Variants in RIN2 observed in about 807,000 individuals in gnomAD.
RIN2 encodes the protein Ras and Rab interactor 2.
RIN2 carries 36 observed loss-of-function variants against 78.0 expected under a neutral mutation model. The ratio of observed to expected loss-of-function variants is 0.46; its 90% CI spans 0.35 to 0.61. The LOEUF (loss-of-function observed/expected upper bound fraction) is 0.61. RIN2 is among the 20% of genes least tolerant of loss of function. The pLI is 0.00. For synonymous variants in RIN2, 466 were observed against 466.8 expected, an observed-to-expected ratio of 1.00 and a Z score of 0.02; for missense variants, 1,087 against 1,159.7, an observed-to-expected ratio of 0.94 and a Z score of 0.91.
At chr20:19,890,355 T>A (rs577691538) in intron 3 of RIN2, among the ~76,000 whole-genome samples, 1 of 152,304 alleles carries the variant, frequency 6.6e-6, no homozygotes, top group African/African-American at 2.4e-5. Context: ...AATTCCCCTC[T>A]TGTGGCTTTT....
Position 19,956,732 on chromosome 20 carries a change from C to T in RIN2, c.276C>T (p.His92=), listed in dbSNP as rs202212179. Reference sequence around the variant, plus strand: ...TCAGCATCTTGGACCGGCTCCTCCACACCCACCCCATATGGCTGCAGCTGA... The same window carrying T: ...TCAGCATCTTGGACCGGCTCCTCCATACCCACCCCATATGGCTGCAGCTGA... The part of the protein sequence containing the change: ...NRLSILDRLL[H]THPIWLQLSL... Residue 92 remains histidine, a synonymous_variant, in exon 5 of 13, where the codon CAC becomes CAT. Coordinates refer to ENST00000255006, the MANE Select transcript of RIN2 (RefSeq NM_018993.4). 4 of 1,609,944 alleles carry T rather than the reference C, an allele frequency of 2.5e-6. No homozygotes were observed. The highest frequency in any genetic ancestry group is 1.7e-5 in the Admixed American group (1 of 59,520).
chr20:19,791,878 AAAGT>A (rs2034898327), intron 1 of RIN2, among the ~76,000 whole-genome samples: 1 of 152,198 alleles, frequency 6.6e-6, no homozygotes, highest in African/African-American at 2.4e-5. Flanking sequence ...GGTAAGGAAT[AAAGT>A]CATCTAAACT....
intron 2 of RIN2, among the ~76,000 whole-genome samples, chr20:19,839,818 A>G (rs1264620708): frequency 6.6e-6 from 1 of 152,204 alleles, no homozygotes; most frequent in Non-Finnish European, 1.5e-5. Context: ...CCAATGGGAC[A>G]TTTGAAATGT....
At chr20:19,815,760 G>A (rs998691939) in intron 2 of RIN2, among the ~76,000 whole-genome samples, 1 of 152,186 alleles carries the variant, frequency 6.6e-6, no homozygotes, top group African/African-American at 2.4e-5. Context: ...ACAGAGTCCT[G>A]TGGGAAACTG....
intron 9 of RIN2, among the ~76,000 whole-genome samples, chr20:19,982,701 T>G (rs2042497325): frequency 6.6e-6 from 1 of 152,214 alleles, no homozygotes; most frequent in Non-Finnish European, 1.5e-5. Context: ...CTTACCAGTC[T>G]GACGTCCAGC....
chr20:19,811,748 T>C (rs1295175256), intron 2 of RIN2, among the ~76,000 whole-genome samples: 2 of 151,006 alleles, frequency 1.3e-5, no homozygotes, highest in Non-Finnish European at 2.9e-5. Context: ...CACTAAAAAA[T>C]GAGGGCCATC....
In RIN2 at chr20:19,957,111, G is replaced by A. The variant is rs73283479; in HGVS notation, c.351+304G>A. Among the ~76,000 whole-genome samples, 1,002 of 152,268 alleles carry A rather than the reference G, an allele frequency of 6.6e-3. 13 individuals are homozygous for A. The highest frequency in any genetic ancestry group is 0.023 in the African/African-American group (957 of 41,554). Reference sequence around the variant, plus strand: ...AGCCTGGGTCTGACCTCTTGAGCCTGGACACTGAGGATGAGCCTGGGTCTG... The same window carrying A: ...AGCCTGGGTCTGACCTCTTGAGCCTAGACACTGAGGATGAGCCTGGGTCTG... On this transcript the variant is annotated intron_variant, in intron 5 of 12. Transcript: ENST00000255006.
chr20:19,777,442 C>T (rs2034349173), intron 1 of RIN2, among the ~76,000 whole-genome samples: 1 of 152,250 alleles, frequency 6.6e-6, no homozygotes, highest in African/African-American at 2.4e-5. Context: ...ATTTCCCCTC[C>T]ATGCCAGGAG....
intron 5 of RIN2, among the ~76,000 whole-genome samples, chr20:19,957,726 G>A (rs1044212729): frequency 2.6e-5 from 4 of 152,110 alleles, no homozygotes; most frequent in African/African-American, 4.8e-5. Context: ...CAATATGGTA[G>A]CTTCTTGCCC....
At chr20:19,889,705 T>G in intron 3 of RIN2, 47 bp downstream of exon 3, 1 of 1,383,882 alleles carries the variant, frequency 7.2e-7, no homozygotes, top group South Asian at 1.5e-5. Context: ...GCTTGCTGCC[T>G]GAGCCTGGGA....
intron 3 of RIN2, among the ~76,000 whole-genome samples, chr20:19,926,275 G>A (rs889530878): frequency 6.6e-6 from 1 of 152,188 alleles, no homozygotes; most frequent in Admixed American, 6.5e-5. Flanking sequence ...TGTGACATTT[G>A]TAATTACAAT....
At chr20:19,986,066 G>A (rs1281212134) in intron 9 of RIN2, among the ~76,000 whole-genome samples, 4 of 152,150 alleles carry the variant, frequency 2.6e-5, no homozygotes, top group South Asian at 4.1e-4. Flanking sequence ...AGGAATTAAC[G>A]ATTAATGCAA....
intron 10 of RIN2, 110 bp downstream of exon 10, chr20:19,990,421 G>A: frequency 9.6e-7 from 1 of 1,041,384 alleles, no homozygotes. Context: ...TTGGTCTCTT[G>A]ATTTCACCAA....
Position 19,956,736 on chromosome 20 carries a change from C to T in RIN2, c.280C>T (p.His94Tyr), listed in dbSNP as rs777052562. 1.2e-6 allele frequency: 2 copies of T among 1,610,038 alleles called. No individual in the cohort carries two copies. The highest frequency in any genetic ancestry group is 2.2e-5 in the East Asian group (1 of 44,720). The change falls in exon 5 of 13, where the codon CAC becomes TAC. Residue 94 changes from histidine (H) to tyrosine (Y), a missense_variant. Transcript: ENST00000255006. ...CATCTTGGACCGGCTCCTCCACACC[C>T]ACCCCATATGGCTGCAGCTGAGTCT... The part of the protein sequence containing the change: ...LSILDRLLHT[H>Y]PIWLQLSLSE...
At chr20:19,925,557 C>T (rs1011574733) in intron 3 of RIN2, among the ~76,000 whole-genome samples, 16 of 152,256 alleles carry the variant, frequency 1.1e-4, no homozygotes, top group African/African-American at 3.9e-4. Flanking sequence ...ACACAACCAA[C>T]TTATGCAACT....
chr20:19,908,357 G>A (rs1464448310), intron 3 of RIN2, among the ~76,000 whole-genome samples: 3 of 152,114 alleles, frequency 2.0e-5, no homozygotes, highest in African/African-American at 4.8e-5. Flanking sequence ...CGGACGTGGT[G>A]GCGGGCGCCT....
chr20:19,798,045 G>A (rs1039516881), intron 1 of RIN2, among the ~76,000 whole-genome samples: 1 of 151,628 alleles, frequency 6.6e-6, no homozygotes, highest in Non-Finnish European at 1.5e-5. Context: ...TAGAGATGGG[G>A]TTTCACTGTG....
chr20:19,817,438 C>T (rs1157263833), intron 2 of RIN2, among the ~76,000 whole-genome samples: 1 of 152,068 alleles, frequency 6.6e-6, no homozygotes, highest in Non-Finnish European at 1.5e-5. Context: ...TCACTCAAGA[C>T]CTAATCACCT....
intron 1 of RIN2, among the ~76,000 whole-genome samples, chr20:19,767,922 C>A (rs374601065): frequency 1.0e-3 from 130 of 124,532 alleles, no homozygotes; most frequent in South Asian, 1.4e-3. Context: ...AAAACTGTCT[C>A]AAAAAAAAAA....
Sources: allele counts gnomAD v4.1 joint callset (sites outside exome capture counted in the v4.1 genomes callset), GRCh38; gene constraint gnomAD v4.1.1; transcripts MANE v1.5; gene names NCBI Gene and HGNC (gene_info 2026-07-23, HGNC 2026-07-21).